Variants in TMPRSS11A observed in about 807,000 individuals in gnomAD.
TMPRSS11A encodes the protein transmembrane protease serine 11A.
TMPRSS11A carries 53 observed loss-of-function variants against 58.9 expected under a neutral mutation model. That is an observed-to-expected ratio of 0.90 (90% CI 0.72 to 1.13). The LOEUF is 1.13. Among genes scored for constraint, TMPRSS11A ranks in the 50% most tolerant of loss-of-function variants. TMPRSS11A has a pLI of 0.00. For synonymous variants in TMPRSS11A, 167 were observed against 169.8 expected (o/e 0.98, Z 0.13); for missense variants, 493 against 499.3 (o/e 0.99, Z 0.12).
chr4:67,933,247 T>C (rs1720672663), intron 3 of TMPRSS11A, among the ~76,000 whole-genome samples: 2 of 152,160 alleles, frequency 1.3e-5, no homozygotes, highest in African/African-American at 4.8e-5. Flanking sequence ...TTAACTCTAA[T>C]GACAATTCTG....
intron 9 of TMPRSS11A, 63 bp from the exon 10 acceptor site, chr4:67,911,566 G>T: frequency 7.3e-7 from 1 of 1,365,616 alleles, no homozygotes; most frequent in Non-Finnish European, 1.0e-6. Context: ...CATTATTTAA[G>T]ATATTTTGAT....
rs546621800 is a variant in TMPRSS11A at position 67,961,836 on chromosome 4, A to G, written c.11+1547T>C. The stretch of plus-strand genomic sequence containing the variant: ...CCTGTTTCCTTTATCAGCAGGTGTC[A>G]CTGATGTCTGGAACAATGGCATTGA... On this transcript the variant is annotated intron_variant, in intron 1 of 9. Coordinates refer to ENST00000508048, the MANE Select transcript of TMPRSS11A (RefSeq NM_001114387.2). Among the ~76,000 whole-genome samples the G allele has an allele frequency of 3.7e-4, 56 of 152,104 alleles. 1 individual carries two copies. The highest frequency in any genetic ancestry group is 6.8e-3 in the Middle Eastern group (2 of 292).
chr4:67,950,901 C>T (rs1259428840), intron 1 of TMPRSS11A, among the ~76,000 whole-genome samples: 1 of 152,190 alleles, frequency 6.6e-6, no homozygotes, highest in Non-Finnish European at 1.5e-5. Flanking sequence ...TGGCACTCTG[C>T]AGTCTTTGGG....
chr4:67,911,602 G>C (rs1324002852), intron 9 of TMPRSS11A, 99 bp from the exon 10 acceptor site: 1 of 874,040 alleles, frequency 1.1e-6, no homozygotes, highest in African/African-American at 1.7e-5. Flanking sequence ...TTACTAGACA[G>C]TACATGTATA....
chr4:67,913,263 A>G (rs535560231), intron 9 of TMPRSS11A, among the ~76,000 whole-genome samples: 1 of 152,214 alleles, frequency 6.6e-6, no homozygotes, highest in East Asian at 1.9e-4. Flanking sequence ...ACTTAAGAAG[A>G]GGTGATTAGG....
At chr4:67,949,749 C>T (rs924983455) in intron 1 of TMPRSS11A, among the ~76,000 whole-genome samples, 2 of 152,056 alleles carry the variant, frequency 1.3e-5, no homozygotes, top group African/African-American at 2.4e-5. Flanking sequence ...ATTCCAGCTA[C>T]TCGGGAGACT....
intron 1 of TMPRSS11A, among the ~76,000 whole-genome samples, chr4:67,954,480 C>A (rs151114587): frequency 6.6e-6 from 1 of 152,182 alleles, no homozygotes; most frequent in South Asian, 2.1e-4. Context: ...CTTCTAGATC[C>A]CCCTGCCCTC....
intron 1 of TMPRSS11A, 45 bp downstream of exon 1, chr4:67,963,338 G>A (rs923227923): frequency 6.2e-7 from 1 of 1,609,292 alleles, no homozygotes; most frequent in African/African-American, 1.3e-5. Flanking sequence ...GCCACTGACA[G>A]ACAGTACATC....
chr4:67,941,885 C>T (rs890472397), intron 3 of TMPRSS11A, among the ~76,000 whole-genome samples: 27 of 152,080 alleles, frequency 1.8e-4, no homozygotes, highest in African/African-American at 6.5e-4. Flanking sequence ...AAAATGATTA[C>T]TTCAGTTACA....
At chr4:67,917,265 T>G (rs960957657) in intron 8 of TMPRSS11A, among the ~76,000 whole-genome samples, 2 of 152,102 alleles carry the variant, frequency 1.3e-5, no homozygotes, top group African/African-American at 4.8e-5. Flanking sequence ...AAATTTCCCT[T>G]TCTACACTAT....
At chr4:67,946,661 C>G (rs1159334076) in intron 1 of TMPRSS11A, 90 bp from the exon 2 acceptor site, 2 of 1,299,594 alleles carry the variant, frequency 1.5e-6, no homozygotes, top group Non-Finnish European at 2.0e-6. Flanking sequence ...GTTGCTGTAG[C>G]CTACCTTTCC....
chr4:67,962,853 T>G (rs909227823), intron 1 of TMPRSS11A, among the ~76,000 whole-genome samples: 6 of 152,226 alleles, frequency 3.9e-5, no homozygotes, highest in Non-Finnish European at 7.3e-5. Context: ...GTTTTCCCAG[T>G]ATTGAGCTTG....
Position 67,935,458 on chromosome 4 carries a change from G to T in TMPRSS11A, c.253-3398C>A, listed in dbSNP as rs1031722370. Among the ~76,000 whole-genome samples the T allele has an allele frequency of 5.1e-4, 78 of 152,156 alleles. 1 individual carries two copies. The highest frequency in any genetic ancestry group is 4.8e-3 in the Admixed American group (74 of 15,272). ...TCTCAAACTGACCTGTCTTCCCTCT[G>T]TCTCAATTTTTCTTATCCCTCTTAT... On this transcript the variant is annotated intron_variant, in intron 3 of 9. Coordinates refer to ENST00000508048, the MANE Select transcript of TMPRSS11A (RefSeq NM_001114387.2).
chr4:67,913,819 C>T (rs1298254621), intron 9 of TMPRSS11A, among the ~76,000 whole-genome samples: 2 of 152,186 alleles, frequency 1.3e-5, no homozygotes, highest in Non-Finnish European at 1.5e-5. Context: ...GGACTTTCTG[C>T]CACCTGATAT....
chr4:67,916,760 G>T (rs1720161032), intron 8 of TMPRSS11A, among the ~76,000 whole-genome samples: 2 of 152,116 alleles, frequency 1.3e-5, no homozygotes, highest in African/African-American at 4.8e-5. Context: ...CCGGGAGGCG[G>T]AGTTTGCAGT....
At chr4:67,958,946 G>A (rs753850336) in intron 1 of TMPRSS11A, among the ~76,000 whole-genome samples, 3 of 152,166 alleles carry the variant, frequency 2.0e-5, no homozygotes, top group Non-Finnish European at 4.4e-5. Flanking sequence ...TCTCTTGTCT[G>A]CCACTGTGTA....
chr4:67,933,272 CA>C (rs1303943497), intron 3 of TMPRSS11A, among the ~76,000 whole-genome samples: 1 of 152,172 alleles, frequency 6.6e-6, no homozygotes, highest in African/African-American at 2.4e-5. Flanking sequence ...GAAGTATCTT[CA>C]TTCCTGTTAG....
intron 5 of TMPRSS11A, among the ~76,000 whole-genome samples, chr4:67,928,390 T>C (rs1169412612): frequency 6.6e-6 from 1 of 152,186 alleles, no homozygotes; most frequent in African/African-American, 2.4e-5. Context: ...TATCCTACCA[T>C]TTAATTTAGT....
intron 4 of TMPRSS11A, among the ~76,000 whole-genome samples, chr4:67,931,101 T>A (rs1435927559): frequency 6.6e-6 from 1 of 152,062 alleles, no homozygotes; most frequent in Admixed American, 6.6e-5. Flanking sequence ...TACAATAATA[T>A]GGTAAAGGAG....
Sources: gnomAD v4.1 joint callset for allele counts (sites outside exome capture counted in the v4.1 genomes callset) on GRCh38, gnomAD v4.1.1 for gene constraint, MANE v1.5 for transcripts, NCBI Gene and HGNC (gene_info 2026-07-23, HGNC 2026-07-21) for gene names.